The following UNC5A variants were observed in gnomAD, a reference collection of about 807,000 sequenced individuals.
UNC5A encodes netrin receptor UNC5A.
In UNC5A, 20 loss-of-function variants were observed where a neutral mutation model predicts 87.4. That is an observed-to-expected ratio of 0.23 (90% CI 0.16 to 0.33). UNC5A has a LOEUF of 0.33. Ranked by LOEUF, UNC5A falls within the 10% of genes least tolerant of loss-of-function variation. The probability of loss-of-function intolerance (pLI) is 1.00; values close to 1 mark genes in which losing one functional copy is unlikely to be tolerated. For synonymous variants in UNC5A, 438 were observed against 482.3 expected, an observed-to-expected ratio of 0.91 and a Z score of 1.20; for missense variants, 844 against 1,133.4, an observed-to-expected ratio of 0.74 and a Z score of 3.67.
chr5:176,817,174 G>A (rs1756609317), intron 1 of UNC5A, among the ~76,000 whole-genome samples: 1 of 152,050 alleles, frequency 6.6e-6, no homozygotes, highest in Admixed American at 6.5e-5. Flanking sequence ...CTGACTGGTG[G>A]GGCCCCCAGA....
At chr5:176,830,665 G>GGT (rs1186358013) in intron 1 of UNC5A, among the ~76,000 whole-genome samples, 1 of 122,046 alleles carries the variant, frequency 8.2e-6, no homozygotes, top group Admixed American at 8.6e-5. Flanking sequence ...TGTGTGTGCT[G>GGT]GTGTGTGTGG....
chr5:176,813,600 A>AG lies in UNC5A; in HGVS notation c.70+2787dup, dbSNP rs369235116. Among the ~76,000 whole-genome samples the AG allele has an allele frequency of 5.5e-4, 83 of 152,040 alleles. No homozygotes were observed. In the Middle Eastern group the frequency reaches 0.02, roughly 37 times the overall value. On this transcript the variant is annotated intron_variant, in intron 1 of 14. Coordinates refer to ENST00000329542, the MANE Select transcript of UNC5A (RefSeq NM_133369.3). ...CTGCTCCCCACTTGCCTGTGTTGGG[A>AG]GGGGGGGCTTCTCTCAGGAACCAGG... is the stretch of plus-strand genomic sequence containing the variant.
intron 1 of UNC5A, among the ~76,000 whole-genome samples, chr5:176,846,537 A>G (rs1264128601): frequency 1.3e-5 from 2 of 152,154 alleles, no homozygotes; most frequent in African/African-American, 4.8e-5. Flanking sequence ...CTCCTCCAGG[A>G]AGCCCTCCTG....
Position 176,878,128 on chromosome 5 carries a change from G to A in UNC5A, c.1869+1G>A. On this transcript the variant is annotated splice_donor_variant, in intron 11 of 14. Transcript: ENST00000329542. LOFTEE classifies it high-confidence loss of function. ...GCATGACACCCACGATGCACTCAAG[G>A]TATCTCCCGCCCCTCACCCCCCGCC... is the stretch of plus-strand genomic sequence containing the variant. 1 of 1,607,282 alleles carries A rather than the reference G, an allele frequency of 6.2e-7. No individual in the cohort carries two copies. The highest frequency in any genetic ancestry group is 8.5e-7 in the Non-Finnish European group (1 of 1,179,456).
intron 1 of UNC5A, among the ~76,000 whole-genome samples, chr5:176,850,461 C>T (rs1034917816): frequency 4.6e-5 from 7 of 150,938 alleles, no homozygotes; most frequent in East Asian, 2.0e-4. Flanking sequence ...TAGGTGGCCA[C>T]GAGGGAGGAA....
At position 176,869,705 on chromosome 5, in the gene UNC5A, C is replaced by T. The variant is rs1432468536; in HGVS notation, c.722-665C>T. The T allele has an allele frequency of 1.5e-6, 1 of 678,156 alleles. No individual in the cohort carries two copies. Among genetic ancestry groups the T allele is most frequent in the Non-Finnish European group, 2.7e-6 (1 of 369,152 alleles). The allele number at this position is 678,156 out of a possible 1,614,324, so 42.0% of individuals were successfully genotyped here. A position where few individuals can be genotyped will look rare whatever the true frequency, so the allele number is the denominator to read the frequency against. Reference sequence around the variant, plus strand: ...AGAAACGGAGCCGGAGCTGCACCAACCCGGCGCCTCTCAACGGGGGCGCTT... The same window carrying T: ...AGAAACGGAGCCGGAGCTGCACCAATCCGGCGCCTCTCAACGGGGGCGCTT... On this transcript the variant is annotated intron_variant, in intron 5 of 14. Transcript: ENST00000329542. The surrounding 1 kb of genome is among the most constrained non-coding windows in gnomAD (Gnocchi z 9.1).
rs748034022 is a variant in UNC5A at position 176,862,714 on chromosome 5, A to T, written c.161A>T (p.Tyr54Phe). The T allele has an allele frequency of 1.9e-6, 3 of 1,613,536 alleles. No homozygotes were observed. The change falls in exon 2 of 15, where the codon TAC becomes TTC. Residue 54 changes from tyrosine to phenylalanine, a missense_variant. This residue lies in a region of UNC5A where 314 missense variants were observed against 466.5 expected (regional missense o/e 0.67). Transcript: ENST00000329542. ...TTCCTGGTGGAGCCCGAGGATGTGTACATCGTCAAGAACAAGCCAGTGCTG... is the reference window on the plus strand; with the variant it reads ...TTCCTGGTGGAGCCCGAGGATGTGTTCATCGTCAAGAACAAGCCAGTGCTG... ...PHFLVEPEDV[Y>F]IVKNKPVLLV...
intron 1 of UNC5A, among the ~76,000 whole-genome samples, chr5:176,818,228 C>T (rs1756642163): frequency 6.6e-6 from 1 of 152,186 alleles, no homozygotes; most frequent in Admixed American, 6.5e-5. Context: ...GGGAGGGGAA[C>T]GTCCCCATAA....
intron 1 of UNC5A, among the ~76,000 whole-genome samples, chr5:176,828,242 A>G (rs1201271043): frequency 4.6e-5 from 7 of 152,246 alleles, no homozygotes; most frequent in Non-Finnish European, 8.8e-5. Context: ...CGAATACATT[A>G]ACATTTTCAC....
chr5:176,851,494 G>C (rs1295645617), intron 1 of UNC5A, among the ~76,000 whole-genome samples: 1 of 152,254 alleles, frequency 6.6e-6, no homozygotes, highest in East Asian at 1.9e-4. Flanking sequence ...ATGTGGGACA[G>C]GGTCTTTAAT....
intron 1 of UNC5A, among the ~76,000 whole-genome samples, chr5:176,833,975 A>G (rs984812385): frequency 2.6e-5 from 4 of 151,624 alleles, no homozygotes; most frequent in Non-Finnish European, 5.9e-5. Flanking sequence ...AAGTGCTGGG[A>G]TTACAGGTGT....
At chr5:176,820,954 T>G (rs1756712403) in intron 1 of UNC5A, among the ~76,000 whole-genome samples, 1 of 152,228 alleles carries the variant, frequency 6.6e-6, no homozygotes, top group African/African-American at 2.4e-5. Context: ...CAGTGCTTCT[T>G]CTTTCCTAAA....
In UNC5A at chr5:176,869,178, G is replaced by A. The variant is rs1466471583; in HGVS notation, c.721+214G>A. Among the ~76,000 whole-genome samples, 1 of 152,160 alleles carries A rather than the reference G, an allele frequency of 6.6e-6. No individual in the cohort carries two copies. Among genetic ancestry groups the A allele is most frequent in the Non-Finnish European group, 1.5e-5 (1 of 68,006 alleles). ...GTGGGACAGATTGGAGGTCCTTTGT[G>A]GGCAGCGGGCATTGTGCAGAAGGAG... On this transcript the variant is annotated intron_variant, in intron 5 of 14. Transcript: ENST00000329542. This position sits in a 1 kb window ranked among gnomAD's most constrained non-coding sequence, Gnocchi z 9.1.
intron 6 of UNC5A, among the ~76,000 whole-genome samples, chr5:176,873,096 C>A (rs545935326): frequency 4.2e-3 from 622 of 146,612 alleles, no homozygotes; most frequent in Non-Finnish European, 6.2e-3. Context: ...CCACACTCAC[C>A]CCACACCACA....
chr5:176,837,460 G>A (rs1465660290), intron 1 of UNC5A, among the ~76,000 whole-genome samples: 2 of 152,170 alleles, frequency 1.3e-5, no homozygotes, highest in African/African-American at 4.8e-5. Context: ...GGCTGAATAG[G>A]AGCTGACGTA....
intron 5 of UNC5A, 34 bp from the exon 6 acceptor site, chr5:176,870,336 C>A: frequency 6.2e-7 from 1 of 1,605,032 alleles, no homozygotes; most frequent in Non-Finnish European, 8.5e-7. Flanking sequence ...CCAGGCTGAC[C>A]GCACCGTCTC....
chr5:176,856,602 G>A (rs1288911942), intron 1 of UNC5A, among the ~76,000 whole-genome samples: 1 of 152,214 alleles, frequency 6.6e-6, no homozygotes, highest in Non-Finnish European at 1.5e-5. Context: ...CTCAGGGGAT[G>A]GAGCAGGTGC....
chr5:176,853,555 C>G (rs1757596506), intron 1 of UNC5A, among the ~76,000 whole-genome samples: 1 of 152,232 alleles, frequency 6.6e-6, no homozygotes, highest in African/African-American at 2.4e-5. Context: ...GTGGCTGCTG[C>G]TTCAGTGACA....
At chr5:176,820,118 C>T (rs533745636) in intron 1 of UNC5A, among the ~76,000 whole-genome samples, 1 of 152,288 alleles carries the variant, frequency 6.6e-6, no homozygotes, top group South Asian at 2.1e-4. Context: ...AAATGTTGGG[C>T]CGGGCACGGT....
Sources: allele counts gnomAD v4.1 joint callset (sites outside exome capture counted in the v4.1 genomes callset), GRCh38; gene constraint gnomAD v4.1.1; regional missense constraint gnomAD v4.1.1; non-coding constraint Gnocchi (gnomAD v3.1); transcripts MANE v1.5; gene names NCBI Gene and HGNC (gene_info 2026-07-23, HGNC 2026-07-21).